Variants in FSTL5 observed in about 807,000 individuals in gnomAD.
The protein encoded by FSTL5 is follistatin-related protein 5.
In FSTL5, 62 loss-of-function variants were observed where a neutral mutation model predicts 89.1. That is an observed-to-expected ratio of 0.70 (90% CI 0.57 to 0.86). The LOEUF (loss-of-function observed/expected upper bound fraction) is 0.86, where lower values mean the gene tolerates loss of function less well. FSTL5 is among the 40% of genes least tolerant of loss of function. The probability of loss-of-function intolerance (pLI) is 0.00; values close to 1 mark genes in which losing one functional copy is unlikely to be tolerated. For synonymous variants in FSTL5, 383 were observed against 346.2 expected, an observed-to-expected ratio of 1.11 and a Z score of -1.18; for missense variants, 1,057 against 1,001.6, an observed-to-expected ratio of 1.06 and a Z score of -0.75.
intron 4 of FSTL5, among the ~76,000 whole-genome samples, chr4:161,850,586 G>A (rs1731517392): frequency 6.6e-6 from 1 of 152,134 alleles, no homozygotes; most frequent in Non-Finnish European, 1.5e-5. Context: ...CATTTGCATG[G>A]CTGTGGGGCA....
intron 7 of FSTL5, among the ~76,000 whole-genome samples, chr4:161,611,359 TA>T (rs760685451): frequency 6.6e-5 from 10 of 150,836 alleles, no homozygotes; most frequent in Non-Finnish European, 1.2e-4. Flanking sequence ...AAAATCGAGA[TA>T]TTTTTATTTT....
chr4:161,981,338 A>G (rs550361243), intron 3 of FSTL5, among the ~76,000 whole-genome samples: 1 of 152,294 alleles, frequency 6.6e-6, no homozygotes, highest in East Asian at 1.9e-4. Flanking sequence ...TGCTATTATA[A>G]TGATAATCAT....
chr4:161,919,894 A>G (rs961910262), intron 4 of FSTL5, among the ~76,000 whole-genome samples: 1 of 152,226 alleles, frequency 6.6e-6, no homozygotes, highest in African/African-American at 2.4e-5. Context: ...AACTATGGTT[A>G]TCTCTGATTC....
intron 7 of FSTL5, among the ~76,000 whole-genome samples, chr4:161,589,399 T>C (rs929779615): frequency 6.6e-6 from 1 of 152,014 alleles, no homozygotes; most frequent in Non-Finnish European, 1.5e-5. Context: ...GCCAGGCTGG[T>C]CTCGAACTCC....
intron 3 of FSTL5, among the ~76,000 whole-genome samples, chr4:161,988,404 A>C (rs77206865): frequency 0.014 from 2,204 of 152,306 alleles, 52 homozygotes; most frequent in African/African-American, 0.047. Context: ...TACGTGTAAA[A>C]GAATTACAGT....
At chr4:162,107,818 C>G (rs958221719) in intron 2 of FSTL5, among the ~76,000 whole-genome samples, 3 of 151,956 alleles carry the variant, frequency 2.0e-5, no homozygotes, top group Admixed American at 6.6e-5. Flanking sequence ...TTGCTTTTAC[C>G]TGCCTTTAAG....
chr4:161,432,644 A>AT (rs936355865), intron 15 of FSTL5, among the ~76,000 whole-genome samples: 6 of 151,624 alleles, frequency 4.0e-5, no homozygotes, highest in Non-Finnish European at 7.4e-5. Flanking sequence ...TGAAATGACA[A>AT]TTTTTTTTGA....
chr4:161,999,908 T>C (rs1736411802), intron 3 of FSTL5, among the ~76,000 whole-genome samples: 1 of 152,202 alleles, frequency 6.6e-6, no homozygotes, highest in Non-Finnish European at 1.5e-5. Context: ...CACCTCCGAT[T>C]TCCCAAGTAA....
intron 3 of FSTL5, among the ~76,000 whole-genome samples, chr4:161,969,502 A>C (rs2111009013): frequency 6.6e-6 from 1 of 152,280 alleles, no homozygotes; most frequent in South Asian, 2.1e-4. Context: ...CAATTTAGGT[A>C]TTTGGTTTTG....
chr4:161,992,896 A>G (rs1438065926), intron 3 of FSTL5, among the ~76,000 whole-genome samples: 42 of 22,878 alleles, frequency 1.8e-3, no homozygotes, highest in East Asian at 5.1e-3. Context: ...ATATATATAT[A>G]TGTGTGTGTA....
intron 12 of FSTL5, among the ~76,000 whole-genome samples, chr4:161,482,408 T>A (rs943133810): frequency 6.6e-6 from 1 of 152,228 alleles, no homozygotes; most frequent in Non-Finnish European, 1.5e-5. Context: ...ATTTTTTGTC[T>A]GACAATTAAC....
At chr4:161,669,307 T>C (rs1305718341) in intron 6 of FSTL5, among the ~76,000 whole-genome samples, 1 of 151,996 alleles carries the variant, frequency 6.6e-6, no homozygotes, top group South Asian at 2.1e-4. Context: ...AATCCTGAGG[T>C]GTCTAGAGAG....
chr4:161,992,908 A>C (rs1427694350), intron 3 of FSTL5, among the ~76,000 whole-genome samples: 2 of 10,300 alleles, frequency 1.9e-4, no homozygotes, highest in Non-Finnish European at 1.1e-3. Flanking sequence ...GTGTGTGTAT[A>C]TATATATATA....
intron 13 of FSTL5, among the ~76,000 whole-genome samples, chr4:161,477,081 T>C (rs1032566478): frequency 6.6e-6 from 1 of 152,090 alleles, no homozygotes; most frequent in African/African-American, 2.4e-5. Context: ...TTTACATTGG[T>C]GATAAAGTAT....
At chr4:161,958,088 T>C (rs1248419829) in intron 3 of FSTL5, among the ~76,000 whole-genome samples, 2 of 152,048 alleles carry the variant, frequency 1.3e-5, no homozygotes, top group East Asian at 3.9e-4. Context: ...ATGTTACCAA[T>C]TTTTTCTTCT....
chr4:161,570,121 G>T lies in FSTL5; in HGVS notation c.1015+17334C>A, dbSNP rs1732956666. Among the ~76,000 whole-genome samples, 3 of 152,174 alleles carry T rather than the reference G, an allele frequency of 2.0e-5. No homozygotes were observed. In the South Asian group the frequency reaches 6.2e-4, roughly 31 times the overall value. ...AGACATTAATACAGGAAGAAAAGTA[G>T]TGTGTAGAGTATTTTAGGCTATGTG... is the stretch of plus-strand genomic sequence containing the variant. On this transcript the variant is annotated intron_variant, in intron 8 of 15. Transcript: ENST00000306100.
At chr4:161,451,014 G>T (rs1214443247) in intron 15 of FSTL5, among the ~76,000 whole-genome samples, 4 of 151,948 alleles carry the variant, frequency 2.6e-5, no homozygotes, top group Non-Finnish European at 5.9e-5. Context: ...AAAGTGCTGG[G>T]ATTACAGGCA....
intron 3 of FSTL5, among the ~76,000 whole-genome samples, chr4:161,987,699 G>A (rs1426040048): frequency 1.3e-5 from 2 of 149,898 alleles, no homozygotes; most frequent in East Asian, 1.9e-4. Context: ...ACTAAAAGTG[G>A]AAGCCAGAAT....
intron 8 of FSTL5, among the ~76,000 whole-genome samples, chr4:161,552,937 C>T (rs1264218258): frequency 6.6e-6 from 1 of 151,568 alleles, no homozygotes; most frequent in Non-Finnish European, 1.5e-5. Context: ...GCATTTTTAG[C>T]TAGGAAGTGC....
Sources: allele counts gnomAD v4.1 joint callset (sites outside exome capture counted in the v4.1 genomes callset), GRCh38; gene constraint gnomAD v4.1.1; transcripts MANE v1.5; gene names NCBI Gene and HGNC (gene_info 2026-07-23, HGNC 2026-07-21).